SLC25A26: variants seen among roughly 807,000 people sequenced by gnomAD.
The protein encoded by SLC25A26 is solute carrier family 25 member 26, also known as mitochondrial S-adenosylmethionine carrier protein.
SLC25A26 carries 36 observed loss-of-function variants against 37.8 expected under a neutral mutation model. The ratio of observed to expected loss-of-function variants is 0.95; its 90% CI spans 0.73 to 1.26. SLC25A26 has a LOEUF of 1.26. Ranked by LOEUF, SLC25A26 falls within the 50% of genes most tolerant of loss-of-function variation. The pLI is 0.00. For synonymous variants in SLC25A26, 129 were observed against 122.5 expected, an observed-to-expected ratio of 1.05 and a Z score of -0.35; for missense variants, 390 against 331.1, an observed-to-expected ratio of 1.18 and a Z score of -1.38.
intron 1 of SLC25A26, among the ~76,000 whole-genome samples, chr3:66,212,070 A>T (rs2071291197): frequency 6.6e-6 from 1 of 152,234 alleles, no homozygotes; most frequent in African/African-American, 2.4e-5. Flanking sequence ...GAGAGACTAC[A>T]TTCACATAAC....
intron 3 of SLC25A26, among the ~76,000 whole-genome samples, chr3:66,257,832 G>A (rs1164881712): frequency 6.6e-6 from 1 of 152,014 alleles, no homozygotes; most frequent in Non-Finnish European, 1.5e-5. Context: ...CTTATGAATT[G>A]ACCGTAATGG....
chr3:66,289,105 G>T (rs56339001), intron 5 of SLC25A26, among the ~76,000 whole-genome samples: 1 of 152,036 alleles, frequency 6.6e-6, no homozygotes, highest in Admixed American at 6.6e-5. Context: ...TCATATGTTT[G>T]TTGGCCACAT....
intron 1 of SLC25A26, among the ~76,000 whole-genome samples, chr3:66,203,974 T>G (rs2071140986): frequency 6.6e-6 from 1 of 152,182 alleles, no homozygotes; most frequent in African/African-American, 2.4e-5. Context: ...CACTCAGTAT[T>G]GTATAATGGA....
chr3:66,278,705 G>T (rs1047124164), intron 5 of SLC25A26, among the ~76,000 whole-genome samples: 3 of 151,936 alleles, frequency 2.0e-5, no homozygotes, highest in Non-Finnish European at 4.4e-5. Flanking sequence ...CTTATCCTAC[G>T]AACTTTCTGC....
chr3:66,226,801 A>G (rs149635313), intron 1 of SLC25A26, among the ~76,000 whole-genome samples: 132,327 of 151,712 alleles, frequency 0.87, 57,672 homozygotes, highest in Middle Eastern at 0.94. Context: ...TTTTTGTAGA[A>G]AGAGGTGTCA....
At chr3:66,217,625 C>T (rs1231793275), upstream of SLC25A26, among the ~76,000 whole-genome samples, 1 of 151,864 alleles carries the variant, frequency 6.6e-6, no homozygotes, top group African/African-American at 2.4e-5. Flanking sequence ...CTCAGCTCAC[C>T]GCAACCTCCA....
At chr3:66,193,887 CCTAA>C (rs1312029500) in intron 1 of SLC25A26, among the ~76,000 whole-genome samples, 1 of 151,978 alleles carries the variant, frequency 6.6e-6, no homozygotes, top group Non-Finnish European at 1.5e-5. Flanking sequence ...AGAGGCTGTT[CCTAA>C]CTGTCAGAAA....
At chr3:66,174,352 C>T (rs1265887351) in intron 1 of SLC25A26, among the ~76,000 whole-genome samples, 2 of 152,162 alleles carry the variant, frequency 1.3e-5, no homozygotes, top group East Asian at 1.9e-4. Flanking sequence ...CCATTTTGCA[C>T]CAAACTTTCT....
At chr3:66,370,064 G>C (rs1190373351) in intron 8 of SLC25A26, among the ~76,000 whole-genome samples, 1 of 152,318 alleles carries the variant, frequency 6.6e-6, no homozygotes, top group African/African-American at 2.4e-5. Flanking sequence ...TGGAAAAGTA[G>C]AACAAATAAT....
intron 5 of SLC25A26, among the ~76,000 whole-genome samples, chr3:66,326,518 G>A (rs532430354): frequency 1.2e-4 from 19 of 152,308 alleles, no homozygotes; most frequent in African/African-American, 3.8e-4. Flanking sequence ...GCCAGGGCAG[G>A]GATGCCAGAG....
intron 1 of SLC25A26, among the ~76,000 whole-genome samples, chr3:66,212,003 C>G (rs1036536369): frequency 5.3e-5 from 8 of 152,136 alleles, no homozygotes; most frequent in African/African-American, 1.9e-4. Context: ...TTTCAGTTAC[C>G]GAGTGAACCG....
chr3:66,217,042 G>A (rs1251780934), upstream of SLC25A26, among the ~76,000 whole-genome samples: 1 of 152,090 alleles, frequency 6.6e-6, no homozygotes, highest in Non-Finnish European at 1.5e-5. Flanking sequence ...TTGCATAAAA[G>A]GAGAGACTAT....
At chr3:66,315,743 G>A (rs6549553) in intron 5 of SLC25A26, among the ~76,000 whole-genome samples, 34,216 of 152,082 alleles carry the variant, frequency 0.22, 4,454 homozygotes, top group African/African-American at 0.36. Context: ...TTGTGTGGGA[G>A]TGTAAATCTC....
intron 1 of SLC25A26, among the ~76,000 whole-genome samples, chr3:66,187,512 A>G (rs2070852071): frequency 6.6e-6 from 1 of 151,988 alleles, no homozygotes. Flanking sequence ...TGACTCACAC[A>G]AAGACCCTGA....
chr3:66,366,072 T>C (rs929931519), intron 7 of SLC25A26, among the ~76,000 whole-genome samples: 7 of 152,202 alleles, frequency 4.6e-5, no homozygotes, highest in African/African-American at 1.4e-4. Flanking sequence ...TAGGAGATAA[T>C]AGTTTTATCA....
At chr3:66,263,225 T>A (rs1287277951) in intron 4 of SLC25A26, 107 bp from the exon 5 acceptor site, 1 of 768,770 alleles carries the variant, frequency 1.3e-6, no homozygotes, top group East Asian at 2.6e-5. Context: ...GTGGCAATTG[T>A]GAATGTTCTA....
intron 5 of SLC25A26, among the ~76,000 whole-genome samples, chr3:66,291,460 A>G (rs2074704484): frequency 6.6e-6 from 1 of 152,154 alleles, no homozygotes; most frequent in Non-Finnish European, 1.5e-5. Context: ...ATATGCGTCT[A>G]AAACACTGCT....
chr3:66,357,378 C>A (rs1275110218), intron 6 of SLC25A26, among the ~76,000 whole-genome samples: 2 of 152,216 alleles, frequency 1.3e-5, no homozygotes, highest in Non-Finnish European at 2.9e-5. Context: ...CACTTCACTG[C>A]ACTCCAGCCT....
chr3:66,194,895 C>T (rs1294959533), intron 1 of SLC25A26, among the ~76,000 whole-genome samples: 2 of 152,208 alleles, frequency 1.3e-5, no homozygotes, highest in African/African-American at 4.8e-5. Flanking sequence ...GACACCGCGC[C>T]GGGCCCAAAA....
Sources: gnomAD v4.1 joint callset for allele counts (sites outside exome capture counted in the v4.1 genomes callset) on GRCh38, gnomAD v4.1.1 for gene constraint, MANE v1.5 for transcripts, NCBI Gene and HGNC (gene_info 2026-07-23, HGNC 2026-07-21) for gene names.